Variants in BUD13 observed in about 807,000 individuals in gnomAD.
BUD13 encodes the protein BUD13 spliceosome associated protein.
A neutral mutation model predicts 62.5 loss-of-function variants in BUD13; 47 were observed. The observed-to-expected ratio is 0.75, with a 90% CI of 0.60 to 0.96. The LOEUF is 0.96. Among genes scored for constraint, BUD13 ranks in the 40% least tolerant of loss-of-function variants. The pLI, the probability that BUD13 is intolerant of heterozygous loss-of-function variation, is 0.00. For synonymous variants in BUD13, 293 were observed against 280.1 expected, an observed-to-expected ratio of 1.05 and a Z score of -0.46; for missense variants, 821 against 790.9, an observed-to-expected ratio of 1.04 and a Z score of -0.46.
At chr11:116,759,664 T>C (rs1171306159) in intron 5 of BUD13, among the ~76,000 whole-genome samples, 1 of 152,174 alleles carries the variant, frequency 6.6e-6, no homozygotes, top group Non-Finnish European at 1.5e-5. Context: ...AGATAGCAAA[T>C]CAGCCCACGA....
intron 9 of BUD13, among the ~76,000 whole-genome samples, chr11:116,751,304 G>T (rs1477143029): frequency 6.6e-6 from 1 of 152,208 alleles, no homozygotes; most frequent in Non-Finnish European, 1.5e-5. Context: ...TCCCTTAAGG[G>T]ATGAGTGGAG....
intron 9 of BUD13, among the ~76,000 whole-genome samples, chr11:116,750,988 C>T (rs998051705): frequency 2.0e-5 from 3 of 152,302 alleles, no homozygotes; most frequent in Admixed American, 2.0e-4. Flanking sequence ...CTTTAATATC[C>T]TTCCTTTCCT....
rs1940456067 is a variant in BUD13, at chr11:116,762,847, A to C, written c.742T>G (p.Ser248Ala). The C allele has an allele frequency of 6.2e-7, 1 of 1,610,002 alleles. No individual in the cohort carries two copies. The highest frequency in any genetic ancestry group is 8.5e-7 in the Non-Finnish European group (1 of 1,179,094). Residue 248 changes from serine (S) to alanine (A), a missense_variant, in exon 4 of 10, where the codon TCC becomes GCC. By Grantham distance (99) the Ser-to-Ala change is moderately conservative. Coordinates refer to ENST00000260210, the MANE Select transcript of BUD13 (RefSeq NM_032725.4). Reference protein sequence around the residue: ...ISSPRRVHNNSPDTSRRTLGS... With the variant: ...ISSPRRVHNNAPDTSRRTLGS... ...AGAGTCCTCCTAGATGTGTCAGGGGAGTTGTTATGGACCCTTCTGGGGGAA... is the reference window on the plus strand; with the variant it reads ...AGAGTCCTCCTAGATGTGTCAGGGGCGTTGTTATGGACCCTTCTGGGGGAA...
chr11:116,766,692 G>A (rs1488530704), intron 2 of BUD13, among the ~76,000 whole-genome samples: 1 of 152,172 alleles, frequency 6.6e-6, no homozygotes, highest in Non-Finnish European at 1.5e-5. Flanking sequence ...CCCAATAAAT[G>A]ACACCTATTA....
chr11:116,751,825 T>C (rs1010179369), intron 9 of BUD13, among the ~76,000 whole-genome samples: 4 of 152,128 alleles, frequency 2.6e-5, no homozygotes, highest in African/African-American at 9.7e-5. Context: ...AGAAAACAAA[T>C]TGCAGGAGAA....
At position 116,772,856 on chromosome 11, in the gene BUD13, T is replaced by C. The variant is rs79064682; in HGVS notation, c.109A>G (p.Lys37Glu). Residue 37 changes from lysine to glutamate, a missense_variant, in exon 1 of 10, where the codon AAG (lysine) becomes GAG (glutamate). Lys to Glu is a moderately conservative substitution (Grantham distance 56). Transcript: ENST00000260210. ...CCGGCCCCGCCAGGCTTCGGCCGCT[T>C]TTTGCGACGCTTGCGACCGGACTCA... ...GSESGRKRRK[K>E]RPKPGGAGGK... is the part of the protein sequence containing the mutation. 1.3e-4 allele frequency: 204 copies of C among 1,589,202 alleles called. 2 individuals carry two copies. In the African/African-American group the frequency reaches 2.4e-3, roughly 19 times the overall value.
At position 116,763,102 on chromosome 11, in the gene BUD13, A is replaced by G. The variant is rs1940465581; in HGVS notation, c.487T>C (p.Ser163Pro). The change falls in exon 4 of 10, where the codon TCT (serine) becomes CCT (proline). Residue 163 changes from serine to proline, a missense_variant. Transcript: ENST00000260210. The stretch of plus-strand genomic sequence containing the variant: ...TCATGACGAGCCCCTCTGAGGGGAG[A>G]AGGATCCGGGGTGTCATGACGGGCC... Reference protein sequence around the residue: ...RRARHDTPDPSPLRGARHDSD... With the variant: ...RRARHDTPDPPPLRGARHDSD... The G allele has an allele frequency of 6.3e-7, 1 of 1,578,050 alleles. No homozygotes were observed. The highest frequency in any genetic ancestry group is 1.4e-5 in the African/African-American group (1 of 72,586).
Position 116,772,890 on chromosome 11 carries a change from G to C in BUD13, c.75C>G (p.Asp25Glu). 1 of 1,589,808 alleles carries C rather than the reference G, an allele frequency of 6.3e-7. No individual in the cohort carries two copies. The highest frequency in any genetic ancestry group is 1.4e-5 in the African/African-American group (1 of 73,430). The change falls in exon 1 of 10, where the codon GAC (aspartate) becomes GAG (glutamate). Residue 25 changes from aspartate (D) to glutamate (E), a missense_variant. Physicochemically the swap from Asp to Glu is conservative, Grantham distance 45. Coordinates refer to ENST00000260210, the MANE Select transcript of BUD13 (RefSeq NM_032725.4). ...GCTTGCGACCGGACTCAGATCCCCG[G>C]TCGACGCCGGCATCTGCCCCGGACA... Reference protein sequence around the residue: ...RYLSGADAGVDRGSESGRKRR... With the variant: ...RYLSGADAGVERGSESGRKRR...
intron 9 of BUD13, 119 bp from the exon 10 acceptor site, chr11:116,748,694 T>C: frequency 1.8e-6 from 2 of 1,106,920 alleles, no homozygotes; most frequent in Non-Finnish European, 1.3e-6. Context: ...CATATGAAAA[T>C]ATTTTAGGCA....
At chr11:116,772,509 A>C (rs899361790) in intron 1 of BUD13, among the ~76,000 whole-genome samples, 2 of 152,210 alleles carry the variant, frequency 1.3e-5, no homozygotes, top group African/African-American at 4.8e-5. Flanking sequence ...AATCCGCTCC[A>C]TTATTCTCGA....
chr11:116,752,092 C>T (rs1374770457), intron 9 of BUD13, among the ~76,000 whole-genome samples: 6 of 152,092 alleles, frequency 3.9e-5, no homozygotes, highest in African/African-American at 7.2e-5. Flanking sequence ...TACAGGCGCC[C>T]GCCACCACGC....
chr11:116,762,599 C>CT lies in BUD13; in HGVS notation c.989dup (p.Gln331AlafsTer13), dbSNP rs1342103226. On this transcript the variant is annotated frameshift_variant, in exon 4 of 10. Transcript: ENST00000260210. LOFTEE classifies it high-confidence loss of function. Reference sequence around the variant, plus strand: ...TGTCTCCAAAATGGGATTTTGCTTGCTTTTTTCGTGGAGGAGAGATGTCAG... The same window carrying CT: ...TGTCTCCAAAATGGGATTTTGCTTGCTTTTTTTCGTGGAGGAGAGATGTCAG... 1 of 1,612,678 alleles carries CT rather than the reference C, an allele frequency of 6.2e-7. No individual in the cohort carries two copies. The highest frequency in any genetic ancestry group is 1.3e-5 in the African/African-American group (1 of 74,706).
intron 9 of BUD13, among the ~76,000 whole-genome samples, chr11:116,751,636 A>G (rs1024180530): frequency 2.6e-5 from 4 of 152,098 alleles, no homozygotes; most frequent in African/African-American, 9.7e-5. Context: ...GTCTCAAAAA[A>G]AAAAGAAGGG....
At chr11:116,759,038 G>T in intron 6 of BUD13, 36 bp downstream of exon 6, 22 of 1,359,134 alleles carry the variant, frequency 1.6e-5, no homozygotes, top group Non-Finnish European at 2.1e-5. Flanking sequence ...AAAACAGTAT[G>T]AGCCTAAATT....
chr11:116,770,171 T>G lies in BUD13; in HGVS notation c.195A>C (p.Lys65Asn). Residue 65 changes from lysine to asparagine, a missense_variant, in exon 2 of 10, where the codon AAA (lysine) becomes AAC (asparagine). Lys to Asn is a moderately conservative substitution (Grantham distance 94). Transcript: ENST00000260210. ...DVSWTAISTT[K>N]LEKEEEEDDG... ...CATCTTCCTCTTCCTCCTTTTCTAG[T>G]TTGGTTGTGGAGATAGCTGTCCAGC... 6.2e-7 allele frequency: 1 copy of G among 1,613,720 alleles called. No homozygotes were observed. The highest frequency in any genetic ancestry group is 8.5e-7 in the Non-Finnish European group (1 of 1,179,828).
intron 6 of BUD13, 35 bp from the exon 7 acceptor site, chr11:116,758,442 A>C: frequency 6.2e-7 from 1 of 1,609,432 alleles, no homozygotes; most frequent in Non-Finnish European, 8.5e-7. Context: ...TATCAGGATC[A>C]AAATCAGAAA....
At chr11:116,762,095 T>G (rs562950690) in intron 4 of BUD13, among the ~76,000 whole-genome samples, 2 of 152,336 alleles carry the variant, frequency 1.3e-5, no homozygotes, top group Admixed American at 1.3e-4. Context: ...AAAATTATAC[T>G]AACATAAAGA....
intron 1 of BUD13, among the ~76,000 whole-genome samples, chr11:116,771,418 T>C (rs539730199): frequency 4.6e-5 from 7 of 152,322 alleles, no homozygotes; most frequent in African/African-American, 1.2e-4. Flanking sequence ...ATAAACTATA[T>C]AGCTGAGCCC....
intron 4 of BUD13, 137 bp downstream of exon 4, chr11:116,762,416 C>T: frequency 1.4e-6 from 1 of 704,612 alleles, no homozygotes; most frequent in Admixed American, 3.2e-5. Context: ...AATTGTTCAA[C>T]TCTCCCAAAC....
Sources: allele counts gnomAD v4.1 joint callset (sites outside exome capture counted in the v4.1 genomes callset), GRCh38; gene constraint gnomAD v4.1.1; transcripts MANE v1.5; gene names NCBI Gene and HGNC (gene_info 2026-07-23, HGNC 2026-07-21).